OSMR: variants seen among roughly 807,000 people sequenced by gnomAD.
OSMR encodes oncostatin M receptor.
Under a neutral mutation model 99.9 loss-of-function variants are expected in OSMR, and 81 were observed. The ratio of observed to expected loss-of-function variants is 0.81; its 90% CI spans 0.68 to 0.97. The LOEUF (loss-of-function observed/expected upper bound fraction) is 0.97, where lower values mean the gene tolerates loss of function less well. Ranked by LOEUF, OSMR falls within the 50% of genes least tolerant of loss-of-function variation. The pLI, the probability that OSMR is intolerant of heterozygous loss-of-function variation, is 0.00. For missense variants in OSMR, 1,099 were observed against 1,153.4 expected (o/e 0.95, Z 0.68); for synonymous variants, 406 against 410.4 (o/e 0.99, Z 0.13).
chr5:38,910,909 C>T (rs1389850159), intron 9 of OSMR, among the ~76,000 whole-genome samples: 1 of 152,148 alleles, frequency 6.6e-6, no homozygotes, highest in African/African-American at 2.4e-5. Context: ...AGTCGGGAGG[C>T]TGAGGCAGGA....
chr5:38,928,485 C>T (rs968165144), intron 15 of OSMR, among the ~76,000 whole-genome samples: 1 of 152,152 alleles, frequency 6.6e-6, no homozygotes, highest in Non-Finnish European at 1.5e-5. Context: ...TGCTTCTTCA[C>T]ATGGCGGCAG....
chr5:38,904,235 C>T, intron 8 of OSMR, 118 bp from the exon 9 acceptor site: 2 of 1,541,718 alleles, frequency 1.3e-6, no homozygotes, highest in East Asian at 2.4e-5. Context: ...AAGAACTGAT[C>T]TTACTCCAGG....
chr5:38,852,303 G>C (rs550278743), intron 1 of OSMR, among the ~76,000 whole-genome samples: 6 of 152,210 alleles, frequency 3.9e-5, no homozygotes, highest in Admixed American at 3.9e-4. Context: ...CATCTGTAGG[G>C]CAAAATTTCA....
At chr5:38,894,034 A>G (rs1010951608) in intron 7 of OSMR, among the ~76,000 whole-genome samples, 3 of 152,238 alleles carry the variant, frequency 2.0e-5, no homozygotes, top group Non-Finnish European at 4.4e-5. Flanking sequence ...AGCATTCTCA[A>G]AGGAAAGACA....
intron 15 of OSMR, 120 bp from the exon 16 acceptor site, chr5:38,931,763 C>T (rs1297880994): frequency 2.0e-6 from 3 of 1,498,878 alleles, no homozygotes; most frequent in Non-Finnish European, 2.7e-6. Flanking sequence ...TTACAACTTG[C>T]ATACATAATT....
downstream of OSMR, chr5:38,939,316 G>A (rs1347532074): frequency 8.6e-6 from 2 of 232,160 alleles, no homozygotes; most frequent in East Asian, 1.2e-4. Flanking sequence ...CATTAAAGTT[G>A]TCATTTCAAA....
downstream of OSMR, chr5:38,937,970 T>G (rs1458980150): frequency 5.3e-6 from 1 of 189,430 alleles, no homozygotes; most frequent in African/African-American, 2.3e-5. This position sits in a 1 kb window ranked among gnomAD's most constrained non-coding sequence, Gnocchi z 4.0. Context: ...TTGATAAGAT[T>G]ATGCTTCAGG....
chr5:38,919,933 C>T lies in OSMR; in HGVS notation c.1585+871C>T, dbSNP rs150760912. Among the ~76,000 whole-genome samples, 958 of 152,214 alleles carry T rather than the reference C, an allele frequency of 6.3e-3. 13 individuals are homozygous for T. Among genetic ancestry groups the T allele is most frequent in the African/African-American group, 0.022 (901 of 41,524 alleles). ...ATGAGGAAAAGAAACTATATTGTGC[C>T]ATAGAAGAAAAACCAACCTAAGTTG... On this transcript the variant is annotated intron_variant, in intron 11 of 17. Transcript: ENST00000274276.
At chr5:38,890,523 A>G (rs1008835666) in intron 7 of OSMR, among the ~76,000 whole-genome samples, 3 of 151,776 alleles carry the variant, frequency 2.0e-5, no homozygotes, top group African/African-American at 7.3e-5. Context: ...CTAATTTTAC[A>G]TTTCTGAAAG....
At chr5:38,929,078 A>T (rs1364904705) in intron 15 of OSMR, among the ~76,000 whole-genome samples, 4 of 152,072 alleles carry the variant, frequency 2.6e-5, no homozygotes, top group African/African-American at 9.7e-5. Context: ...ACTTTTTTTA[A>T]AAAAAATAGG....
chr5:38,895,632 A>G (rs1744455465), intron 7 of OSMR, among the ~76,000 whole-genome samples: 1 of 151,996 alleles, frequency 6.6e-6, no homozygotes, highest in Non-Finnish European at 1.5e-5. Flanking sequence ...TGTTGTGCAG[A>G]AGCTTTTTAA....
chr5:38,888,371 C>A (rs1743936917), intron 7 of OSMR, among the ~76,000 whole-genome samples: 1 of 147,350 alleles, frequency 6.8e-6, no homozygotes, highest in African/African-American at 2.5e-5. Context: ...TTGGGTGGAC[C>A]CAGTTTGTTT....
At chr5:38,876,642 C>T (rs1007431994) in intron 3 of OSMR, among the ~76,000 whole-genome samples, 2 of 152,186 alleles carry the variant, frequency 1.3e-5, no homozygotes, top group Admixed American at 6.5e-5. Context: ...TTGAGTCTGT[C>T]CTCGTGAATA....
At chr5:38,936,197 T>C (rs1747028123), downstream of OSMR, among the ~76,000 whole-genome samples, 1 of 152,214 alleles carries the variant, frequency 6.6e-6, no homozygotes, top group South Asian at 2.1e-4. Flanking sequence ...TCACTACCCA[T>C]GACTGTTTCA....
chr5:38,875,822 G>T (rs1463309979), intron 2 of OSMR, among the ~76,000 whole-genome samples: 1 of 152,088 alleles, frequency 6.6e-6, no homozygotes, highest in Non-Finnish European at 1.5e-5. Context: ...TTTCAAAAAG[G>T]AAACTTTCAT....
At chr5:38,904,307 T>C (rs761748845) in intron 8 of OSMR, 46 bp from the exon 9 acceptor site, 4 of 1,584,500 alleles carry the variant, frequency 2.5e-6, no homozygotes, top group African/African-American at 1.3e-5. Flanking sequence ...TGTTTCTGTC[T>C]TGTTCTTTTC....
At position 38,905,810 on chromosome 5, in the gene OSMR, A is replaced by G. The variant is rs1162552954; in HGVS notation, c.1285+1307A>G. Reference sequence around the variant, plus strand: ...TTCAAGTCCTGGCTATTTTAGTGCCAAAGGAAGGATTATACATATGTATTT... The same window carrying G: ...TTCAAGTCCTGGCTATTTTAGTGCCGAAGGAAGGATTATACATATGTATTT... On this transcript the variant is annotated intron_variant, in intron 9 of 17. Transcript: ENST00000274276. Among the ~76,000 whole-genome samples, 3 of 152,204 alleles carry G rather than the reference A, an allele frequency of 2.0e-5. No individual in the cohort carries two copies. The East Asian group carries it at 5.8e-4, about 29-fold the overall frequency.
At chr5:38,924,881 T>G (rs1157187669) in intron 14 of OSMR, among the ~76,000 whole-genome samples, 1 of 151,978 alleles carries the variant, frequency 6.6e-6, no homozygotes, top group Admixed American at 6.5e-5. Context: ...TTTCCTCTTT[T>G]TTTTTTCACT....
intron 2 of OSMR, among the ~76,000 whole-genome samples, chr5:38,872,870 T>G (rs1742500451): frequency 6.6e-6 from 1 of 152,252 alleles, no homozygotes; most frequent in Admixed American, 6.5e-5. Flanking sequence ...ATATATGATT[T>G]AAATTTGGCA....
Sources: gnomAD v4.1 joint callset for allele counts (sites outside exome capture counted in the v4.1 genomes callset) on GRCh38, gnomAD v4.1.1 for gene constraint, Gnocchi (gnomAD v3.1) non-coding constraint, MANE v1.5 for transcripts, NCBI Gene and HGNC (gene_info 2026-07-23, HGNC 2026-07-21) for gene names.